Variants in GRIK2 observed in about 807,000 individuals in gnomAD.
GRIK2 encodes the protein glutamate receptor ionotropic, kainate 2.
GRIK2 carries 32 observed loss-of-function variants against 100.3 expected under a neutral mutation model. The ratio of observed to expected loss-of-function variants is 0.32; its 90% CI spans 0.24 to 0.43. The LOEUF is 0.43. Ranked by LOEUF, GRIK2 falls within the 20% of genes least tolerant of loss-of-function variation. The pLI, the probability that GRIK2 is intolerant of heterozygous loss-of-function variation, is 1.00. For synonymous variants in GRIK2, 417 were observed against 389.4 expected, an observed-to-expected ratio of 1.07 and a Z score of -0.83; for missense variants, 843 against 1,114.9, an observed-to-expected ratio of 0.76 and a Z score of 3.47.
chr6:101,957,270 T>A (rs1582613976), intron 14 of GRIK2, among the ~76,000 whole-genome samples: 1 of 22 alleles, frequency 0.045, no homozygotes, highest in Non-Finnish European at 0.12. Flanking sequence ...TTTTGTCATG[T>A]TTTTTTGGCT....
chr6:101,662,342 C>T (rs904132769), intron 4 of GRIK2, among the ~76,000 whole-genome samples: 13 of 152,140 alleles, frequency 8.5e-5, no homozygotes, highest in Admixed American at 5.2e-4. Context: ...TTCATAGGCT[C>T]GCTTCTCCTT....
intron 13 of GRIK2, among the ~76,000 whole-genome samples, chr6:101,927,040 C>T (rs1789947717): frequency 6.6e-6 from 1 of 152,054 alleles, no homozygotes; most frequent in Non-Finnish European, 1.5e-5. Context: ...CTGACAGGGC[C>T]TAGGAGCAAC....
chr6:101,889,884 A>AT (rs762690253), intron 12 of GRIK2, 21 bp downstream of exon 12: 34 of 1,489,106 alleles, frequency 2.3e-5, no homozygotes, highest in Non-Finnish European at 3.0e-5. Flanking sequence ...CACTTTTGTG[A>AT]TTTTTTTGGC....
chr6:102,022,317 A>C (rs35697470), intron 14 of GRIK2, among the ~76,000 whole-genome samples: 41,125 of 151,520 alleles, frequency 0.27, 5,987 homozygotes, highest in East Asian at 0.34. Flanking sequence ...TGAAGTAGTT[A>C]TTTCTTATTC....
chr6:101,529,050 G>T lies in GRIK2; in HGVS notation c.116-92899G>T, dbSNP rs549380334. 1.6e-3 allele frequency among the ~76,000 whole-genome samples: 244 copies of T among 152,230 alleles called. 1 individual carries two copies. Among genetic ancestry groups the T allele is most frequent in the Non-Finnish European group, 3.1e-3 (211 of 68,000 alleles). On this transcript the variant is annotated intron_variant, in intron 2 of 16. Coordinates refer to ENST00000369134, the MANE Select transcript of GRIK2 (RefSeq NM_021956.5). The stretch of plus-strand genomic sequence containing the variant: ...ATAAGTGGTCCAGATGGAGTATTAA[G>T]CTGAATTTCTTTCTCATTAACAAAA...
chr6:102,006,200 A>C (rs1795214371), intron 14 of GRIK2, among the ~76,000 whole-genome samples: 1 of 151,936 alleles, frequency 6.6e-6, no homozygotes. Context: ...AAAAAAATAT[A>C]ACATTGTGTA....
intron 7 of GRIK2, among the ~76,000 whole-genome samples, chr6:101,772,169 A>G (rs1778447347): frequency 6.6e-6 from 1 of 152,132 alleles, no homozygotes; most frequent in Non-Finnish European, 1.5e-5. Flanking sequence ...GGTGGCATCA[A>G]GGTTTATAAT....
intron 12 of GRIK2, among the ~76,000 whole-genome samples, chr6:101,920,937 G>A (rs1046596080): frequency 3.3e-5 from 5 of 151,922 alleles, no homozygotes; most frequent in Non-Finnish European, 7.4e-5. Flanking sequence ...AAAATCAACT[G>A]GGAAGCGGTA....
chr6:101,507,380 G>T, intron 2 of GRIK2, among the ~76,000 whole-genome samples: 1 of 152,098 alleles, frequency 6.6e-6, no homozygotes, highest in East Asian at 1.9e-4. Context: ...AAATACCCAT[G>T]ATATTATTTT....
At chr6:101,911,428 C>G (rs1447172806) in intron 12 of GRIK2, among the ~76,000 whole-genome samples, 1 of 151,330 alleles carries the variant, frequency 6.6e-6, no homozygotes, top group East Asian at 1.9e-4. Context: ...AAATATGTAT[C>G]CACTCTTGTA....
At chr6:101,971,684 T>C (rs1217850189) in intron 14 of GRIK2, among the ~76,000 whole-genome samples, 1 of 151,976 alleles carries the variant, frequency 6.6e-6, no homozygotes, top group Admixed American at 6.6e-5. Context: ...TGGGGTATGA[T>C]CCTGTCACCC....
intron 7 of GRIK2, among the ~76,000 whole-genome samples, chr6:101,734,107 T>TTACAGC (rs1562343380): frequency 6.6e-6 from 1 of 152,124 alleles, no homozygotes; most frequent in African/African-American, 2.4e-5. Flanking sequence ...CATATGCAGG[T>TTACAGC]ATTTGTTACA....
chr6:101,780,645 A>C (rs931295994), intron 7 of GRIK2, among the ~76,000 whole-genome samples: 27 of 152,090 alleles, frequency 1.8e-4, no homozygotes, highest in African/African-American at 6.0e-4. Flanking sequence ...TTTCCCCTCC[A>C]CTTCTCTCTT....
chr6:101,730,735 A>C (rs1465312270), intron 7 of GRIK2, among the ~76,000 whole-genome samples: 1 of 151,860 alleles, frequency 6.6e-6, no homozygotes, highest in Middle Eastern at 3.2e-3. Flanking sequence ...GAAAAGATAA[A>C]GAGATAATAG....
chr6:102,007,463 G>A (rs1795300861), intron 14 of GRIK2, among the ~76,000 whole-genome samples: 1 of 152,106 alleles, frequency 6.6e-6, no homozygotes, highest in African/African-American at 2.4e-5. Context: ...CTTTGTGACA[G>A]TACTCATTCT....
At chr6:101,560,037 G>T (rs1182554455) in intron 2 of GRIK2, among the ~76,000 whole-genome samples, 1 of 152,114 alleles carries the variant, frequency 6.6e-6, no homozygotes, top group Non-Finnish European at 1.5e-5. Context: ...CTTCATAGCA[G>T]AGGAATAGGT....
rs545754903 is a variant in GRIK2, at chr6:101,730,648, G to GT, written c.951+44304dup. ...TGCTGGTCACCTTTCACCCTTTTTTGTTTTTTTTTGTCACATTCTTGATAT... is the reference window on the plus strand; with the variant it reads ...TGCTGGTCACCTTTCACCCTTTTTTGTTTTTTTTTTGTCACATTCTTGATAT... On this transcript the variant is annotated intron_variant, in intron 7 of 16. Transcript: ENST00000369134. Among the ~76,000 whole-genome samples the GT allele has an allele frequency of 8.2e-3, 1,223 of 149,496 alleles. 12 individuals carry two copies. Among genetic ancestry groups the GT allele is most frequent in the African/African-American group, 0.027 (1,090 of 40,828 alleles).
At chr6:101,818,705 A>G (rs1047759346) in intron 10 of GRIK2, among the ~76,000 whole-genome samples, 1 of 152,176 alleles carries the variant, frequency 6.6e-6, no homozygotes, top group Non-Finnish European at 1.5e-5. Flanking sequence ...GACTAATAAT[A>G]CAGCTTAATG....
At chr6:102,065,357 A>G (rs1771966124) in intron 16 of GRIK2, among the ~76,000 whole-genome samples, 2 of 151,366 alleles carry the variant, frequency 1.3e-5, no homozygotes, top group African/African-American at 4.8e-5. Flanking sequence ...TTAATATTAT[A>G]TGAAATTGCT....
Sources: allele counts gnomAD v4.1 joint callset (sites outside exome capture counted in the v4.1 genomes callset), GRCh38; gene constraint gnomAD v4.1.1; transcripts MANE v1.5; gene names NCBI Gene and HGNC (gene_info 2026-07-23, HGNC 2026-07-21).